The following SLCO3A1 variants were observed in gnomAD, a reference collection of about 807,000 sequenced individuals.
SLCO3A1 encodes the protein solute carrier organic anion transporter family member 3A1, also known as PGE1 transporter.
A neutral mutation model predicts 63.1 loss-of-function variants in SLCO3A1; 27 were observed. The ratio of observed to expected loss-of-function variants is 0.43; its 90% CI spans 0.32 to 0.59. The LOEUF (loss-of-function observed/expected upper bound fraction) is 0.59, where lower values mean the gene tolerates loss of function less well. Among genes scored for constraint, SLCO3A1 ranks in the 20% least tolerant of loss-of-function variants. SLCO3A1 has a pLI of 0.09. For missense variants in SLCO3A1, 773 were observed against 945.8 expected, an observed-to-expected ratio of 0.82 and a Z score of 2.40; for synonymous variants, 473 against 409.9, an observed-to-expected ratio of 1.15 and a Z score of -1.86.
chr15:91,868,718 T>A (rs1351887362), intron 1 of SLCO3A1, among the ~76,000 whole-genome samples: 5 of 152,196 alleles, frequency 3.3e-5, no homozygotes, highest in African/African-American at 1.2e-4. Flanking sequence ...ATACTTTCAA[T>A]GATCTTGTGA....
chr15:91,999,594 C>T (rs1247921690), intron 2 of SLCO3A1, among the ~76,000 whole-genome samples: 1 of 152,132 alleles, frequency 6.6e-6, no homozygotes, highest in African/African-American at 2.4e-5. Flanking sequence ...TCTGAGAACA[C>T]CAAGGGGTGG....
chr15:91,913,820 T>C (rs1194149052), intron 1 of SLCO3A1, among the ~76,000 whole-genome samples: 1 of 152,182 alleles, frequency 6.6e-6, no homozygotes, highest in Admixed American at 6.5e-5. Flanking sequence ...GGTCAGCAGA[T>C]CCAGCTCATT....
chr15:92,125,364 A>G (rs1182175046), intron 5 of SLCO3A1, among the ~76,000 whole-genome samples: 1 of 152,164 alleles, frequency 6.6e-6, no homozygotes, highest in African/African-American at 2.4e-5. Flanking sequence ...CTAAAATGCC[A>G]TGGTCTCTGC....
chr15:92,028,670 C>T (rs58558480), intron 2 of SLCO3A1, among the ~76,000 whole-genome samples: 9,222 of 152,074 alleles, frequency 0.061, 950 homozygotes, highest in African/African-American at 0.21. Context: ...CTAGAATGAT[C>T]AGGACTTGGG....
At position 91,968,920 on chromosome 15, in the gene SLCO3A1, C is replaced by T. The variant is rs1226689963; in HGVS notation, c.646+52462C>T. Among the ~76,000 whole-genome samples, 1 of 152,190 alleles carries T rather than the reference C, an allele frequency of 6.6e-6. No homozygotes were observed. The highest frequency in any genetic ancestry group is 1.5e-5 in the Non-Finnish European group (1 of 68,036). Reference sequence around the variant, plus strand: ...GGGGATCTGGCAAACTCGTGTTGCTCCATGTAGAGTCAGCTCAGAGGTCCC... The same window carrying T: ...GGGGATCTGGCAAACTCGTGTTGCTTCATGTAGAGTCAGCTCAGAGGTCCC... On this transcript the variant is annotated intron_variant, in intron 2 of 9. Transcript: ENST00000318445. The surrounding 1 kb of genome is among the most constrained non-coding windows in gnomAD (Gnocchi z 4.2).
chr15:91,854,318 G>C lies in SLCO3A1; in HGVS notation c.180+230G>C. On this transcript the variant is annotated intron_variant, in intron 1 of 9. Transcript: ENST00000318445. This position sits in a 1 kb window ranked among gnomAD's most constrained non-coding sequence, Gnocchi z 6.4. ...TTGATGCCGGTAGCAGCTCGCGCGC[G>C]TCCGGCTGGGGCAGGGGGTGCCGGG... 1 of 1,140,810 alleles carries C rather than the reference G, an allele frequency of 8.8e-7. No individual in the cohort carries two copies. Among genetic ancestry groups the C allele is most frequent in the Admixed American group, 4.8e-5 (1 of 20,676 alleles). 70.7% of individuals were successfully genotyped at this position (1,140,810 alleles called of 1,614,324 possible). A position where few individuals can be genotyped will look rare whatever the true frequency, so the allele number is the denominator to read the frequency against.
chr15:91,936,112 C>T (rs941763008), intron 2 of SLCO3A1, among the ~76,000 whole-genome samples: 15 of 152,208 alleles, frequency 9.9e-5, no homozygotes, highest in African/African-American at 3.4e-4. Context: ...CCAGATACAA[C>T]GGGAATGATA....
intron 2 of SLCO3A1, 84 bp from the exon 3 acceptor site, chr15:92,094,797 A>G (rs912949713): frequency 1.2e-4 from 105 of 857,692 alleles, no homozygotes; most frequent in Middle Eastern, 5.3e-4. Context: ...TCATCAATGT[A>G]AAATAATCTC....
At chr15:92,062,723 C>G (rs1567097594) in intron 2 of SLCO3A1, among the ~76,000 whole-genome samples, 1 of 152,266 alleles carries the variant, frequency 6.6e-6, no homozygotes, top group South Asian at 2.1e-4. Flanking sequence ...AGGTCACTCT[C>G]TCGGGCTCCG....
intron 2 of SLCO3A1, among the ~76,000 whole-genome samples, chr15:91,983,897 T>A (rs2151438490): frequency 6.6e-6 from 1 of 152,334 alleles, no homozygotes; most frequent in East Asian, 1.9e-4. Context: ...GATGTTGATC[T>A]AGAAGCTGCC....
At chr15:92,092,626 C>T (rs2047490673) in intron 2 of SLCO3A1, among the ~76,000 whole-genome samples, 1 of 152,132 alleles carries the variant, frequency 6.6e-6, no homozygotes, top group African/African-American at 2.4e-5. Context: ...GGTGCCGCTT[C>T]TGACTCGGAC....
chr15:91,926,596 T>G (rs4383119), intron 2 of SLCO3A1, among the ~76,000 whole-genome samples: 1 of 105,256 alleles, frequency 9.5e-6, no homozygotes, highest in Admixed American at 8.8e-5. Context: ...TGTGTGTGTG[T>G]GCGCGCGCGC....
intron 2 of SLCO3A1, among the ~76,000 whole-genome samples, chr15:91,945,504 A>G (rs1899775916): frequency 6.6e-6 from 1 of 152,224 alleles, no homozygotes; most frequent in Non-Finnish European, 1.5e-5. Flanking sequence ...GGCAAGTTGT[A>G]ATGAGTGCTG....
At chr15:91,938,920 GGGCA>G (rs1899514490) in intron 2 of SLCO3A1, among the ~76,000 whole-genome samples, 1 of 152,190 alleles carries the variant, frequency 6.6e-6, no homozygotes, top group African/African-American at 2.4e-5. Flanking sequence ...GGGTAGGGAA[GGGCA>G]GGCCCCCAAG....
At chr15:92,146,525 C>T (rs144625492) in intron 7 of SLCO3A1, among the ~76,000 whole-genome samples, 61 of 152,234 alleles carry the variant, frequency 4.0e-4, no homozygotes, top group African/African-American at 1.4e-3. Flanking sequence ...TTCCAAGTGC[C>T]GTGTTGGGCA....
At chr15:92,085,420 C>G (rs2047393465) in intron 2 of SLCO3A1, among the ~76,000 whole-genome samples, 2 of 152,218 alleles carry the variant, frequency 1.3e-5, no homozygotes, top group Non-Finnish European at 2.9e-5. Context: ...AAGCTGCTGC[C>G]TGGAAGCCAA....
intron 9 of SLCO3A1, among the ~76,000 whole-genome samples, chr15:92,155,724 GAGATCCCCCCAACCC>G (rs1490945876): frequency 6.6e-6 from 1 of 152,124 alleles, no homozygotes; most frequent in Non-Finnish European, 1.5e-5. Context: ...AGCATCTATT[GAGATCCCCCCAACCC>G]AACCGACCTA....
intron 2 of SLCO3A1, among the ~76,000 whole-genome samples, chr15:91,989,484 A>C (rs997034638): frequency 6.6e-6 from 1 of 152,238 alleles, no homozygotes; most frequent in African/African-American, 2.4e-5. Flanking sequence ...AGTAAAAAAC[A>C]TTCCAGATCT....
At chr15:92,168,131 T>C (rs1382913993), downstream of SLCO3A1, among the ~76,000 whole-genome samples, 1 of 152,008 alleles carries the variant, frequency 6.6e-6, no homozygotes, top group Non-Finnish European at 1.5e-5. Flanking sequence ...ACAAAACCAA[T>C]GGGATAATAG....
Sources: allele counts gnomAD v4.1 joint callset (sites outside exome capture counted in the v4.1 genomes callset), GRCh38; gene constraint gnomAD v4.1.1; non-coding constraint Gnocchi (gnomAD v3.1); transcripts MANE v1.5; gene names NCBI Gene and HGNC (gene_info 2026-07-23, HGNC 2026-07-21).